CEP135: variants seen among roughly 807,000 people sequenced by gnomAD.
CEP135 encodes centrosomal protein of 135 kDa.
CEP135 carries 142 observed loss-of-function variants against 157.3 expected under a neutral mutation model. The ratio of observed to expected loss-of-function variants is 0.90; its 90% CI spans 0.79 to 1.04. The LOEUF is 1.04. Among genes scored for constraint, CEP135 ranks in the 50% least tolerant of loss-of-function variants. The probability of loss-of-function intolerance (pLI) is 0.00; values close to 1 mark genes in which losing one functional copy is unlikely to be tolerated. For synonymous variants in CEP135, 396 were observed against 439.8 expected, an observed-to-expected ratio of 0.90 and a Z score of 1.25; for missense variants, 1,317 against 1,309.2, an observed-to-expected ratio of 1.01 and a Z score of -0.09.
intron 4 of CEP135, among the ~76,000 whole-genome samples, chr4:55,956,033 A>G (rs1728492920): frequency 6.6e-6 from 1 of 152,150 alleles, no homozygotes; most frequent in African/African-American, 2.4e-5. Flanking sequence ...TATTTAAGGG[A>G]CAGGTGGAAG....
intron 9 of CEP135, 78 bp from the exon 10 acceptor site, chr4:55,971,192 C>A: frequency 9.0e-7 from 1 of 1,111,672 alleles, no homozygotes; most frequent in Non-Finnish European, 1.3e-6. Flanking sequence ...TATAAATGTG[C>A]TTATAAAAAT....
At chr4:55,957,656 A>G (rs1728549215) in intron 5 of CEP135, among the ~76,000 whole-genome samples, 1 of 152,228 alleles carries the variant, frequency 6.6e-6, no homozygotes, top group Non-Finnish European at 1.5e-5. Context: ...TGTTGTCTCC[A>G]AATAAGAGGT....
chr4:56,016,149 G>A (rs1730766960), intron 21 of CEP135, among the ~76,000 whole-genome samples: 1 of 152,116 alleles, frequency 6.6e-6, no homozygotes, highest in African/African-American at 2.4e-5. Flanking sequence ...ATGTCTGCAA[G>A]TGAGTGAACA....
Position 55,971,319 on chromosome 4 carries a change from T to C in CEP135, c.1160T>C (p.Leu387Pro). Residue 387 changes from leucine (L) to proline (P), a missense_variant, in exon 10 of 26, where the codon CTT becomes CCT. Physicochemically the swap from Leu to Pro is moderately conservative, Grantham distance 98. Transcript: ENST00000257287. ...KEKERLSDELLVKSDLETVVH... is the reference protein window; with the variant it reads ...KEKERLSDELPVKSDLETVVH... Reference sequence around the variant, plus strand: ...AAGGAGAGACTGAGTGATGAACTCCTTGTAAAATCAGACCTAGAAACTGTT... The same window carrying C: ...AAGGAGAGACTGAGTGATGAACTCCCTGTAAAATCAGACCTAGAAACTGTT... 6.2e-7 allele frequency: 1 copy of C among 1,606,466 alleles called. No homozygotes were observed. Among genetic ancestry groups the C allele is most frequent in the Non-Finnish European group, 8.5e-7 (1 of 1,176,806 alleles).
At chr4:55,999,955 T>G in intron 17 of CEP135, among the ~76,000 whole-genome samples, 1 of 152,206 alleles carries the variant, frequency 6.6e-6, no homozygotes, top group East Asian at 1.9e-4. Flanking sequence ...TTTGGGAGGC[T>G]GAGGTGGGAG....
At chr4:56,000,772 T>C (rs542672630) in intron 17 of CEP135, among the ~76,000 whole-genome samples, 233 of 152,366 alleles carry the variant, frequency 1.5e-3, no homozygotes, top group Admixed American at 2.3e-3. Flanking sequence ...TACTCAATAG[T>C]GGAATTGCAG....
At chr4:55,983,831 T>A (rs2109688842) in intron 13 of CEP135, among the ~76,000 whole-genome samples, 1 of 152,282 alleles carries the variant, frequency 6.6e-6, no homozygotes, top group Non-Finnish European at 1.5e-5. Context: ...GTAATAGCCT[T>A]TTTTAATAGG....
In CEP135 at chr4:55,985,278, C is replaced by T. The variant is rs564036540; in HGVS notation, c.1780-3C>T. 1.3e-6 allele frequency: 2 copies of T among 1,517,906 alleles called. No homozygotes were observed. The highest frequency in any genetic ancestry group is 1.8e-6 in the Non-Finnish European group (2 of 1,097,630). The allele number at this position is 1,517,906 out of a possible 1,614,324, so 94.0% of individuals were successfully genotyped here. A position where few individuals can be genotyped will look rare whatever the true frequency, so the allele number is the denominator to read the frequency against. On this transcript the variant is annotated splice_polypyrimidine_tract_variant and splice_region_variant and intron_variant, in intron 13 of 25. Coordinates refer to ENST00000257287, the MANE Select transcript of CEP135 (RefSeq NM_025009.5). ...GAACATTTTCTTTAACATTCTTTTT[C>T]AGCATATTGAAGAAGTGAGTCTTTT...
intron 9 of CEP135, 27 bp from the exon 10 acceptor site, chr4:55,971,243 T>C (rs745332925): frequency 1.3e-6 from 2 of 1,516,684 alleles, no homozygotes; most frequent in South Asian, 2.5e-5. Flanking sequence ...TTGTTAGAAA[T>C]CTTAATTATA....
intron 5 of CEP135, among the ~76,000 whole-genome samples, chr4:55,959,186 C>G (rs950852705): frequency 8.5e-5 from 13 of 152,178 alleles, no homozygotes; most frequent in Admixed American, 7.9e-4. Context: ...GTAATTTGGA[C>G]AAAATCTTGA....
chr4:55,971,047 A>C (rs1366965007), intron 9 of CEP135, among the ~76,000 whole-genome samples: 4 of 152,196 alleles, frequency 2.6e-5, no homozygotes, highest in African/African-American at 9.6e-5. Context: ...AACTAGAAGA[A>C]AATAATTCTC....
intron 13 of CEP135, among the ~76,000 whole-genome samples, chr4:55,982,747 A>G (rs968855938): frequency 1.3e-5 from 2 of 152,146 alleles, no homozygotes; most frequent in Non-Finnish European, 2.9e-5. Context: ...TGTCTTTGAA[A>G]AACAAAATTT....
intron 7 of CEP135, chr4:55,965,099 A>G (rs1388882110): frequency 3.3e-5 from 5 of 152,638 alleles, no homozygotes; most frequent in Admixed American, 2.6e-4. Context: ...TGTAATTTAA[A>G]TTTTTCTAGT....
chr4:55,953,686 A>T (rs1429027441), intron 3 of CEP135, among the ~76,000 whole-genome samples: 5 of 152,202 alleles, frequency 3.3e-5, no homozygotes, highest in Non-Finnish European at 1.5e-5. Context: ...TAAAATTGCC[A>T]TAGGGAATAT....
intron 9 of CEP135, among the ~76,000 whole-genome samples, chr4:55,969,453 A>AGAAAATTT (rs1234050289): frequency 6.6e-6 from 1 of 151,244 alleles, no homozygotes; most frequent in Non-Finnish European, 1.5e-5. Context: ...AAAAAAGAAA[A>AGAAAATTT]GAAAATTTGT....
At chr4:56,020,856 C>A in intron 24 of CEP135, 76 bp downstream of exon 24, 1 of 1,059,664 alleles carries the variant, frequency 9.4e-7, no homozygotes, top group South Asian at 1.5e-5. Context: ...TTTAATATGG[C>A]TTTACAAATA....
chr4:55,991,883 ATCATTAACGTATTAAGATATATAC>A (rs777872041), intron 14 of CEP135, 27 bp from the exon 15 acceptor site: 1 of 912,048 alleles, frequency 1.1e-6, no homozygotes, highest in Non-Finnish European at 1.6e-6. Context: ...TAAGAAAAAT[ATCATTAACGTATTAAGATATATAC>A]CTACTGTTTT....
chr4:56,019,363 A>C lies in CEP135; in HGVS notation c.3023A>C (p.Glu1008Ala), dbSNP rs761636439. The C allele has an allele frequency of 2.5e-6, 4 of 1,610,132 alleles. No individual in the cohort carries two copies. The Admixed American group carries it at 6.7e-5, about 27-fold the overall frequency. ...TTGTTTTTCACGTAGGTTGTGGTGGAATTAGAAAATGTAAAGTCAGAGTCA... is the reference window on the plus strand; with the variant it reads ...TTGTTTTTCACGTAGGTTGTGGTGGCATTAGAAAATGTAAAGTCAGAGTCA... ...KNLEFERVVV[E>A]LENVKSESDL... is the part of the protein sequence containing the mutation. The change falls in exon 23 of 26, where the codon GAA (glutamate) becomes GCA (alanine). Residue 1008 changes from glutamate to alanine, a missense_variant. Transcript: ENST00000257287.
intron 13 of CEP135, among the ~76,000 whole-genome samples, chr4:55,982,602 C>A (rs1281520846): frequency 6.6e-6 from 1 of 151,998 alleles, no homozygotes; most frequent in African/African-American, 2.4e-5. Flanking sequence ...GATTCGTTGC[C>A]GATTTTTAAA....
Sources: allele counts gnomAD v4.1 joint callset (sites outside exome capture counted in the v4.1 genomes callset), GRCh38; gene constraint gnomAD v4.1.1; transcripts MANE v1.5; gene names NCBI Gene and HGNC (gene_info 2026-07-23, HGNC 2026-07-21).